The following ANP32A variants were observed in gnomAD, a reference collection of about 807,000 sequenced individuals.
ANP32A encodes the protein acidic nuclear phosphoprotein 32 family member A.
A neutral mutation model predicts 33.9 loss-of-function variants in ANP32A; 1 was observed. That is an observed-to-expected ratio of 0.03 (90% CI 0.01 to 0.14). ANP32A has a LOEUF of 0.14. Among genes scored for constraint, ANP32A ranks in the 10% least tolerant of loss-of-function variants. The probability of loss-of-function intolerance (pLI) is 1.00; values close to 1 mark genes in which losing one functional copy is unlikely to be tolerated. For synonymous variants in ANP32A, 115 were observed against 120.5 expected (o/e 0.95, Z 0.30); for missense variants, 155 against 306.0 (o/e 0.51, Z 3.68).
At chr15:68,785,860 G>A (rs1003399626) in intron 3 of ANP32A, among the ~76,000 whole-genome samples, 1 of 151,796 alleles carries the variant, frequency 6.6e-6, no homozygotes, top group Non-Finnish European at 1.5e-5. Flanking sequence ...GAACTTCAAA[G>A]ACTTTTTCCT....
intron 1 of ANP32A, among the ~76,000 whole-genome samples, chr15:68,788,299 C>T (rs1437673404): frequency 6.6e-6 from 1 of 152,216 alleles, no homozygotes; most frequent in African/African-American, 2.4e-5. Flanking sequence ...GCACCAGCCA[C>T]AGCATTGTTA....
chr15:68,796,856 C>T (rs945329919), intron 1 of ANP32A, among the ~76,000 whole-genome samples: 22 of 152,100 alleles, frequency 1.4e-4, no homozygotes, highest in African/African-American at 4.8e-4. Flanking sequence ...AATAAGGTCC[C>T]TCTAGTTTCA....
chr15:68,818,250 G>A (rs893464952), intron 1 of ANP32A: 2 of 276,166 alleles, frequency 7.2e-6, no homozygotes, highest in African/African-American at 2.3e-5. Flanking sequence ...AAACATGGCT[G>A]CTCGTCCTAT....
intron 1 of ANP32A, among the ~76,000 whole-genome samples, chr15:68,818,956 C>G (rs1012525420): frequency 6.6e-6 from 1 of 152,014 alleles, no homozygotes; most frequent in Admixed American, 6.5e-5. Context: ...GCGGCGCCCC[C>G]TCCTCTCCCG....
intron 1 of ANP32A, among the ~76,000 whole-genome samples, chr15:68,810,594 G>T (rs953668785): frequency 6.6e-5 from 10 of 152,186 alleles, no homozygotes; most frequent in South Asian, 2.1e-4. Context: ...AGTGAGGAAG[G>T]ACAAATTTCC....
Position 68,820,797 on chromosome 15 carries a change from A to G in ANP32A, c.-46T>C. ...AGAGGCTCCCGCGCCGGCGGAATTCAATCAATAAACCCCGAACCCACGGCC... is the reference window on the plus strand; with the variant it reads ...AGAGGCTCCCGCGCCGGCGGAATTCGATCAATAAACCCCGAACCCACGGCC... On this transcript the variant is annotated 5_prime_UTR_variant, in exon 1 of 7. Transcript: ENST00000465139. 2.5e-6 allele frequency: 4 copies of G among 1,611,166 alleles called. No individual in the cohort carries two copies. The highest frequency in any genetic ancestry group is 3.4e-6 in the Non-Finnish European group (4 of 1,177,692).
At chr15:68,792,978 C>G (rs1047024394) in intron 1 of ANP32A, among the ~76,000 whole-genome samples, 1 of 152,170 alleles carries the variant, frequency 6.6e-6, no homozygotes, top group African/African-American at 2.4e-5. Flanking sequence ...GCTCCCTCCT[C>G]TTTATCCAAC....
intron 5 of ANP32A, 178 bp downstream of exon 5, chr15:68,782,778 A>G: frequency 6.8e-6 from 8 of 1,180,820 alleles, no homozygotes; most frequent in Non-Finnish European, 9.2e-6. Flanking sequence ...GCTTACTGCA[A>G]GTCTTGTCTC....
At chr15:68,796,954 C>A (rs1042151371) in intron 1 of ANP32A, among the ~76,000 whole-genome samples, 5 of 152,144 alleles carry the variant, frequency 3.3e-5, no homozygotes, top group Admixed American at 2.0e-4. Flanking sequence ...TGGCCAATTT[C>A]ATGGGTCAAG....
At chr15:68,798,440 G>A (rs1894090276) in intron 1 of ANP32A, among the ~76,000 whole-genome samples, 1 of 152,128 alleles carries the variant, frequency 6.6e-6, no homozygotes, top group Non-Finnish European at 1.5e-5. Flanking sequence ...ATGCTTCAAA[G>A]AACTAAAGGA....
chr15:68,820,891 A>C lies in ANP32A; in HGVS notation c.-140T>G. On this transcript the variant is annotated 5_prime_UTR_variant, in exon 1 of 7. Transcript: ENST00000465139. ...CTCGAGCCCCCAGCACCCGCGGCGC[A>C]CACTAACCTGATCGCCGTGGAGGCG... is the stretch of plus-strand genomic sequence containing the variant. The C allele has an allele frequency of 1.0e-6, 1 of 1,003,672 alleles. No homozygotes were observed. Among genetic ancestry groups the C allele is most frequent in the Non-Finnish European group, 1.5e-6 (1 of 673,016 alleles). The allele number at this position is 1,003,672 out of a possible 1,614,324, so 62.2% of individuals were successfully genotyped here.
chr15:68,795,578 G>T (rs1487651093), intron 1 of ANP32A, among the ~76,000 whole-genome samples: 1 of 152,200 alleles, frequency 6.6e-6, no homozygotes, highest in Non-Finnish European at 1.5e-5. Flanking sequence ...TCCCGCGGGT[G>T]TGAGAGGGAC....
chr15:68,792,309 C>T (rs1174963433), intron 1 of ANP32A: 3 of 152,278 alleles, frequency 2.0e-5, no homozygotes, highest in South Asian at 4.1e-4. Context: ...CTGCTTGTAT[C>T]AGAAGCTTTT....
At chr15:68,798,661 G>A (rs1405885397) in intron 1 of ANP32A, among the ~76,000 whole-genome samples, 1 of 152,160 alleles carries the variant, frequency 6.6e-6, no homozygotes, top group East Asian at 1.9e-4. Flanking sequence ...GAAGCAAGAG[G>A]AAAGAAAGGT....
chr15:68,813,348 T>C (rs1596075924), intron 1 of ANP32A, among the ~76,000 whole-genome samples: 1 of 152,344 alleles, frequency 6.6e-6, no homozygotes, highest in Admixed American at 6.5e-5. Flanking sequence ...TCTGAGAAGG[T>C]GGCTCAGGGC....
intron 1 of ANP32A, among the ~76,000 whole-genome samples, chr15:68,801,103 T>A (rs1173789037): frequency 6.6e-6 from 1 of 151,148 alleles, no homozygotes; most frequent in Non-Finnish European, 1.5e-5. Flanking sequence ...GGTAGGATAG[T>A]GGGTTTCACA....
At chr15:68,781,029 C>A (rs994185947) in intron 5 of ANP32A, 4 of 153,426 alleles carry the variant, frequency 2.6e-5, no homozygotes, top group Non-Finnish European at 5.8e-5. Context: ...AAATTCAAGA[C>A]CCCCTGAGGA....
intron 1 of ANP32A, among the ~76,000 whole-genome samples, chr15:68,808,561 AG>A (rs1372416580): frequency 6.6e-6 from 1 of 152,216 alleles, no homozygotes; most frequent in Non-Finnish European, 1.5e-5. Context: ...CTGGGCACAC[AG>A]GCCATATCAG....
intron 1 of ANP32A, among the ~76,000 whole-genome samples, chr15:68,795,743 T>C (rs989887042): frequency 6.6e-6 from 1 of 152,194 alleles, no homozygotes; most frequent in African/African-American, 2.4e-5. Flanking sequence ...TGGTGAATCC[T>C]AGCTGGGCCC....
Sources: gnomAD v4.1 joint callset for allele counts (sites outside exome capture counted in the v4.1 genomes callset) on GRCh38, gnomAD v4.1.1 for gene constraint, MANE v1.5 for transcripts, NCBI Gene and HGNC (gene_info 2026-07-23, HGNC 2026-07-21) for gene names.